Variants in GPD2 observed in about 807,000 individuals in gnomAD.
GPD2 encodes glycerol-3-phosphate dehydrogenase, mitochondrial.
GPD2 carries 54 observed loss-of-function variants against 82.4 expected under a neutral mutation model. That is an observed-to-expected ratio of 0.66 (90% CI 0.53 to 0.82). The LOEUF is 0.82. Among genes scored for constraint, GPD2 ranks in the 40% least tolerant of loss-of-function variants. GPD2 has a pLI of 0.00. For missense variants in GPD2, 748 were observed against 896.2 expected (o/e 0.83, Z 2.11); for synonymous variants, 288 against 306.1 (o/e 0.94, Z 0.62).
chr2:156,552,832 C>T (rs1686809875), intron 8 of GPD2, among the ~76,000 whole-genome samples: 1 of 149,880 alleles, frequency 6.7e-6, no homozygotes, highest in Non-Finnish European at 1.5e-5. Context: ...GTTTGTTCAT[C>T]ACTTTTCCTT....
chr2:156,513,383 T>C lies in GPD2; in HGVS notation c.548T>C (p.Val183Ala), dbSNP rs754619272. 6.2e-7 allele frequency: 1 copy of C among 1,612,356 alleles called. No homozygotes were observed. The highest frequency in any genetic ancestry group is 1.1e-5 in the South Asian group (1 of 91,026). ...GTAGGAATCAAGCTGTATGATTTGG[T>C]TGCAGGAAGCAATTGCCTAAAAAGC... The part of the protein sequence containing the change: ...YWVGIKLYDL[V>A]AGSNCLKSSY... Residue 183 changes from valine (V) to alanine (A), a missense_variant, in exon 6 of 17, where the codon GTT becomes GCT. By Grantham distance (64) the Val-to-Ala change is moderately conservative (BLOSUM62 0). Around this residue, in one of 3 missense-constraint regions of GPD2, gnomAD observed 692 missense variants for 809.7 expected, o/e 0.85. Coordinates refer to ENST00000438166, the MANE Select transcript of GPD2 (RefSeq NM_000408.5).
chr2:156,435,862 G>A (rs1392187659), upstream of GPD2: 1 of 152,420 alleles, frequency 6.6e-6, no homozygotes, highest in Non-Finnish European at 1.5e-5. Flanking sequence ...GCAGGCAGAT[G>A]GCCAGGGCGG....
At chr2:156,426,031 T>C in the GPD2 span, among the ~76,000 whole-genome samples, 6 of 151,752 alleles carry the variant, frequency 4.0e-5, no homozygotes, top group Non-Finnish European at 7.4e-5. Flanking sequence ...CACGCCATTC[T>C]CCTGCCTTAG....
chr2:156,442,266 G>A (rs1682201776), intron 1 of GPD2, among the ~76,000 whole-genome samples: 1 of 152,136 alleles, frequency 6.6e-6, no homozygotes, highest in East Asian at 1.9e-4. Context: ...TGACAATGGG[G>A]TGACATGCTT....
chr2:156,405,889 T>C, the GPD2 span, among the ~76,000 whole-genome samples: 1 of 152,176 alleles, frequency 6.6e-6, no homozygotes, highest in African/African-American at 2.4e-5. Flanking sequence ...GGTTGTAAGT[T>C]GCATCATAGC....
chr2:156,432,079 G>A (rs905171362), upstream of GPD2, among the ~76,000 whole-genome samples: 2 of 152,078 alleles, frequency 1.3e-5, no homozygotes, highest in Admixed American at 1.3e-4. Flanking sequence ...CTAGAGACAA[G>A]GTTCCACCAT....
chr2:156,511,374 C>T (rs2105270470), intron 4 of GPD2, among the ~76,000 whole-genome samples: 1 of 152,260 alleles, frequency 6.6e-6, no homozygotes, highest in East Asian at 1.9e-4. Context: ...TTTCTTATGT[C>T]ACACTTTATT....
At chr2:156,509,904 G>A (rs1684931449) in intron 3 of GPD2, among the ~76,000 whole-genome samples, 1 of 151,494 alleles carries the variant, frequency 6.6e-6, no homozygotes, top group Non-Finnish European at 1.5e-5. Flanking sequence ...CTCCCGAGTA[G>A]CTGGGATTAC....
At chr2:156,429,290 GCTGAATTCT>G in the GPD2 span, among the ~76,000 whole-genome samples, 1 of 152,156 alleles carries the variant, frequency 6.6e-6, no homozygotes, top group East Asian at 1.9e-4. Context: ...ACTCTGAAAA[GCTGAATTCT>G]CTATTTTGTT....
intron 2 of GPD2, among the ~76,000 whole-genome samples, chr2:156,489,547 G>T (rs1263371066): frequency 6.6e-6 from 1 of 152,036 alleles, no homozygotes; most frequent in Non-Finnish European, 1.5e-5. Flanking sequence ...TGTTATAATT[G>T]CTTCTTTATC....
Position 156,476,200 on chromosome 2 carries a change from G to A in GPD2, c.95G>A (p.Arg32Lys), listed in dbSNP as rs777058896. The change falls in exon 2 of 17, where the codon AGG becomes AAG. Residue 32 changes from arginine to lysine, a missense_variant. Transcript: ENST00000438166. ...LGLSQFAHYR[R>K]KQMNLAYVKA... is the part of the protein sequence containing the mutation. ...CTTTCTCAGTTTGCTCATTACAGAA[G>A]GAAACAAGTAAGTAACTGTACTTGT... 5.1e-6 allele frequency: 8 copies of A among 1,554,194 alleles called. No individual in the cohort carries two copies. The highest frequency in any genetic ancestry group is 7.1e-6 in the Non-Finnish European group (8 of 1,125,654).
At chr2:156,442,306 G>A (rs1366806680) in intron 1 of GPD2, among the ~76,000 whole-genome samples, 1 of 152,126 alleles carries the variant, frequency 6.6e-6, no homozygotes, top group East Asian at 1.9e-4. Context: ...ATCTGCTGAT[G>A]ACCACCAAGG....
the GPD2 span, among the ~76,000 whole-genome samples, chr2:156,406,572 A>ACTT: frequency 0.2 from 29,905 of 151,620 alleles, 3,326 homozygotes; most frequent in Non-Finnish European, 0.25. Flanking sequence ...TCCCTCCCCT[A>ACTT]CTTCTCTCTC....
chr2:156,545,673 A>G (rs1686501683), intron 6 of GPD2, among the ~76,000 whole-genome samples: 1 of 152,252 alleles, frequency 6.6e-6, no homozygotes, highest in Admixed American at 6.5e-5. Flanking sequence ...GTAGACTGAC[A>G]TAAATAAGAG....
intron 6 of GPD2, among the ~76,000 whole-genome samples, chr2:156,533,550 C>T (rs902364179): frequency 7.2e-5 from 11 of 152,140 alleles, no homozygotes; most frequent in Non-Finnish European, 1.6e-4. Context: ...AAAATCTGCT[C>T]TCCAGAAATT....
intron 6 of GPD2, among the ~76,000 whole-genome samples, chr2:156,516,720 T>C (rs1210271969): frequency 6.6e-6 from 1 of 152,264 alleles, no homozygotes; most frequent in Non-Finnish European, 1.5e-5. Context: ...GTTGGAATTA[T>C]AGGCGTGAGC....
intron 1 of GPD2, among the ~76,000 whole-genome samples, chr2:156,450,738 A>G (rs1376696180): frequency 1.1e-5 from 1 of 92,218 alleles, no homozygotes; most frequent in Non-Finnish European, 2.2e-5. Flanking sequence ...TCACAGGACA[A>G]TAGTGGAGGG....
rs141282483 is a variant in GPD2, at chr2:156,466,048, G to C, written c.-8-10050G>C. Among the ~76,000 whole-genome samples, 917 of 152,308 alleles carry C rather than the reference G, an allele frequency of 6.0e-3. 11 individuals are homozygous for C. The highest frequency in any genetic ancestry group is 0.021 in the African/African-American group (868 of 41,562). Reference sequence around the variant, plus strand: ...CTGACTTGTGTTTTTACAAGGGGTTGGCATTTTTGTGAAGGAATGCTTCAA... The same window carrying C: ...CTGACTTGTGTTTTTACAAGGGGTTCGCATTTTTGTGAAGGAATGCTTCAA... On this transcript the variant is annotated intron_variant, in intron 1 of 16. Coordinates refer to ENST00000438166, the MANE Select transcript of GPD2 (RefSeq NM_000408.5).
chr2:156,580,738 G>T (rs1687998465), intron 16 of GPD2, among the ~76,000 whole-genome samples: 2 of 152,204 alleles, frequency 1.3e-5, no homozygotes, highest in Non-Finnish European at 2.9e-5. Flanking sequence ...GAGATGAGCT[G>T]CAGATAAGAG....
Sources: allele counts gnomAD v4.1 joint callset (sites outside exome capture counted in the v4.1 genomes callset), GRCh38; gene constraint gnomAD v4.1.1; regional missense constraint gnomAD v4.1.1; transcripts MANE v1.5; gene names NCBI Gene and HGNC (gene_info 2026-07-23, HGNC 2026-07-21).